The following HS6ST3 variants were observed in gnomAD, a reference collection of about 807,000 sequenced individuals.
The protein encoded by HS6ST3 is heparan sulfate 6-O-sulfotransferase 3, also known as heparan-sulfate 6-O-sulfotransferase 3.
In HS6ST3, 12 loss-of-function variants were observed where a neutral mutation model predicts 36.7. The ratio of observed to expected loss-of-function variants is 0.33; its 90% CI spans 0.21 to 0.53. The LOEUF (loss-of-function observed/expected upper bound fraction) is 0.53. Among genes scored for constraint, HS6ST3 ranks in the 20% least tolerant of loss-of-function variants. The pLI is 0.95. For missense variants in HS6ST3, 584 were observed against 640.9 expected (o/e 0.91, Z 0.96); for synonymous variants, 240 against 257.5 (o/e 0.93, Z 0.65).
chr13:96,633,793 G>A (rs2056539992), intron 1 of HS6ST3, among the ~76,000 whole-genome samples: 1 of 152,154 alleles, frequency 6.6e-6, no homozygotes, highest in Non-Finnish European at 1.5e-5. Context: ...GGCAGAATGG[G>A]AACGACATTG....
chr13:96,605,882 CA>C (rs35530396), intron 1 of HS6ST3, among the ~76,000 whole-genome samples: 1,242 of 92,152 alleles, frequency 0.013, 10 homozygotes, highest in East Asian at 0.074. Flanking sequence ...AATTAACAAG[CA>C]AAAAAAAAAA....
At chr13:96,253,605 C>T (rs2054618238) in intron 1 of HS6ST3, among the ~76,000 whole-genome samples, 1 of 152,172 alleles carries the variant, frequency 6.6e-6, no homozygotes, top group Admixed American at 6.5e-5. Flanking sequence ...AGAGCTGGGG[C>T]CTCATATTCC....
chr13:96,827,052 A>G (rs552883700), intron 1 of HS6ST3, among the ~76,000 whole-genome samples: 9 of 152,342 alleles, frequency 5.9e-5, no homozygotes, highest in African/African-American at 2.2e-4. Flanking sequence ...CATGGCAAAC[A>G]AAAAGCTATC....
At chr13:96,113,189 A>G (rs1352313296) in intron 1 of HS6ST3, among the ~76,000 whole-genome samples, 1 of 152,180 alleles carries the variant, frequency 6.6e-6, no homozygotes, top group Non-Finnish European at 1.5e-5. Context: ...ATTCACTTAA[A>G]TTTAAGGAGG....
chr13:96,322,124 C>A (rs2055005884), intron 1 of HS6ST3, among the ~76,000 whole-genome samples: 1 of 152,184 alleles, frequency 6.6e-6, no homozygotes, highest in Non-Finnish European at 1.5e-5. Flanking sequence ...TCAAGCCAAT[C>A]CCTCAACCTA....
intron 1 of HS6ST3, among the ~76,000 whole-genome samples, chr13:96,152,808 C>T (rs1239305714): frequency 6.6e-6 from 1 of 152,130 alleles, no homozygotes; most frequent in African/African-American, 2.4e-5. Flanking sequence ...CAGTCAAGGT[C>T]ATCCATGATT....
intron 1 of HS6ST3, among the ~76,000 whole-genome samples, chr13:96,554,647 C>T (rs1311031630): frequency 1.3e-5 from 2 of 152,202 alleles, no homozygotes; most frequent in Non-Finnish European, 2.9e-5. Context: ...GGGAGCTCCT[C>T]CTCTGTGTCA....
chr13:96,139,594 A>T (rs549534185), intron 1 of HS6ST3, among the ~76,000 whole-genome samples: 2 of 149,556 alleles, frequency 1.3e-5, no homozygotes, highest in East Asian at 3.9e-4. Context: ...TTTGGTATAT[A>T]TATAAGGAAA....
At chr13:96,388,355 C>A (rs1268375514) in intron 1 of HS6ST3, among the ~76,000 whole-genome samples, 1 of 152,152 alleles carries the variant, frequency 6.6e-6, no homozygotes, top group African/African-American at 2.4e-5. Flanking sequence ...GGATTGTTAT[C>A]ACATTTATGC....
chr13:96,657,974 T>C (rs907147012), intron 1 of HS6ST3, among the ~76,000 whole-genome samples: 49 of 152,156 alleles, frequency 3.2e-4, no homozygotes, highest in African/African-American at 1.1e-3. Context: ...TACATGTAAG[T>C]GTCACATCAA....
intron 1 of HS6ST3, among the ~76,000 whole-genome samples, chr13:96,324,097 C>G (rs2055018385): frequency 6.6e-6 from 1 of 152,098 alleles, no homozygotes; most frequent in African/African-American, 2.4e-5. Context: ...TGAACATTTG[C>G]AGTAATAGAA....
rs145759348 is a variant in HS6ST3 at position 96,255,526 on chromosome 13, C to T, written c.707+163957C>T. ...ATTCATTTACAAATTTTTTTCCCAT[C>T]TAAAATTCTAGGGCTCTCAACTTCA... On this transcript the variant is annotated intron_variant, in intron 1 of 1. Coordinates refer to ENST00000376705, the MANE Select transcript of HS6ST3 (RefSeq NM_153456.4). Among the ~76,000 whole-genome samples the T allele has an allele frequency of 2.2e-3, 342 of 152,234 alleles. 2 individuals are homozygous for T. The highest frequency in any genetic ancestry group is 4.1e-4 in the Non-Finnish European group (28 of 68,018).
At chr13:96,731,613 G>A (rs988792289) in intron 1 of HS6ST3, among the ~76,000 whole-genome samples, 1 of 151,824 alleles carries the variant, frequency 6.6e-6, no homozygotes, top group Non-Finnish European at 1.5e-5. Flanking sequence ...TATATGCCCA[G>A]TAGTACAGTT....
chr13:96,396,367 A>G (rs1218020042), intron 1 of HS6ST3, among the ~76,000 whole-genome samples: 1 of 152,066 alleles, frequency 6.6e-6, no homozygotes, highest in African/African-American at 2.4e-5. Flanking sequence ...GATAACATCT[A>G]TAGGATATCT....
intron 1 of HS6ST3, among the ~76,000 whole-genome samples, chr13:96,748,525 T>C (rs528933606): frequency 1.3e-5 from 2 of 152,252 alleles, no homozygotes; most frequent in African/African-American, 4.8e-5. Flanking sequence ...CTTATTCAGT[T>C]GTACAGTATT....
chr13:96,685,506 T>C (rs1424635043), intron 1 of HS6ST3, among the ~76,000 whole-genome samples: 1 of 152,040 alleles, frequency 6.6e-6, no homozygotes, highest in African/African-American at 2.4e-5. Flanking sequence ...GGATGTAGTA[T>C]TTGTGTTAGA....
intron 1 of HS6ST3, among the ~76,000 whole-genome samples, chr13:96,719,897 T>G (rs977916444): frequency 1.3e-5 from 2 of 152,180 alleles, no homozygotes; most frequent in African/African-American, 4.8e-5. Flanking sequence ...CTGTCTCTTC[T>G]TTCTCTCCTG....
intron 1 of HS6ST3, among the ~76,000 whole-genome samples, chr13:96,235,023 C>T (rs999239725): frequency 5.3e-5 from 8 of 151,832 alleles, no homozygotes; most frequent in African/African-American, 9.7e-5. Flanking sequence ...TGGAAACAAC[C>T]GAGACATATA....
At chr13:96,163,475 C>T (rs566939302) in intron 1 of HS6ST3, among the ~76,000 whole-genome samples, 5 of 152,032 alleles carry the variant, frequency 3.3e-5, no homozygotes, top group East Asian at 2.0e-4. Flanking sequence ...GTGATCCGCC[C>T]GCCTTGACCT....
Sources: allele counts gnomAD v4.1 joint callset (sites outside exome capture counted in the v4.1 genomes callset), GRCh38; gene constraint gnomAD v4.1.1; transcripts MANE v1.5; gene names NCBI Gene and HGNC (gene_info 2026-07-23, HGNC 2026-07-21).